The following RBM33 variants were observed in gnomAD, a reference collection of about 807,000 sequenced individuals.
RBM33 encodes the protein RNA binding motif protein 33, also known as RNA-binding protein 33.
Under a neutral mutation model 132.6 loss-of-function variants are expected in RBM33, and 28 were observed. The observed-to-expected ratio is 0.21, with a 90% CI of 0.16 to 0.29. The LOEUF (loss-of-function observed/expected upper bound fraction) is 0.29, where lower values mean the gene tolerates loss of function less well. Ranked by LOEUF, RBM33 falls within the 10% of genes least tolerant of loss-of-function variation. The pLI is 1.00. For missense variants in RBM33, 1,291 were observed against 1,518.5 expected (o/e 0.85, Z 2.49); for synonymous variants, 634 against 593.0 (o/e 1.07, Z -1.01).
chr7:155,667,592 A>G (rs917538081), intron 2 of RBM33, among the ~76,000 whole-genome samples: 4 of 152,138 alleles, frequency 2.6e-5, no homozygotes, highest in African/African-American at 7.2e-5. Flanking sequence ...TATGACGTTG[A>G]CAGGCCATTT....
At chr7:155,672,094 T>C (rs1798957435) in intron 2 of RBM33, among the ~76,000 whole-genome samples, 2 of 151,848 alleles carry the variant, frequency 1.3e-5, no homozygotes, top group South Asian at 4.1e-4. Context: ...TCGTTCGTTT[T>C]TAAAATTTAT....
At chr7:155,670,679 GTGTGGAACA>G (rs1172317393) in intron 2 of RBM33, among the ~76,000 whole-genome samples, 1 of 152,184 alleles carries the variant, frequency 6.6e-6, no homozygotes, top group Non-Finnish European at 1.5e-5. Flanking sequence ...AAGCTCGTGT[GTGTGGAACA>G]TGTCAAGTGG....
Position 155,742,103 on chromosome 7 carries a change from A to C in RBM33, c.2334A>C (p.Thr778=), listed in dbSNP as rs764797265. Residue 778 remains threonine (T), a synonymous_variant, in exon 13 of 18, where the codon ACA becomes ACC. Transcript: ENST00000401878. ...AQPKEEAKTE[T]EFPDEDEETR... ...CTAAAGAAGAGGCAAAAACAGAAACAGAGGTAGGACACTGCTCTTATTAAC... is the reference window on the plus strand; with the variant it reads ...CTAAAGAAGAGGCAAAAACAGAAACCGAGGTAGGACACTGCTCTTATTAAC... 266 of 1,612,016 alleles carry C rather than the reference A, an allele frequency of 1.7e-4. No individual in the cohort carries two copies. Among genetic ancestry groups the C allele is most frequent in the Non-Finnish European group, 2.1e-4 (246 of 1,178,654 alleles).
chr7:155,665,818 G>T (rs1179264429), intron 2 of RBM33, among the ~76,000 whole-genome samples: 4 of 152,174 alleles, frequency 2.6e-5, no homozygotes, highest in Non-Finnish European at 5.9e-5. Flanking sequence ...TAATAATAGA[G>T]GTTAGAGATG....
At chr7:155,744,529 C>T (rs1408121346) in intron 13 of RBM33, among the ~76,000 whole-genome samples, 2 of 152,144 alleles carry the variant, frequency 1.3e-5, no homozygotes, top group Non-Finnish European at 2.9e-5. Context: ...AAATTCTGCA[C>T]GAAAAATCAA....
intron 14 of RBM33, among the ~76,000 whole-genome samples, chr7:155,751,526 T>G (rs1294503253): frequency 6.6e-6 from 1 of 152,232 alleles, no homozygotes; most frequent in Non-Finnish European, 1.5e-5. Flanking sequence ...GTCCCCTAAA[T>G]CTGCTGTTTC....
chr7:155,687,253 T>G (rs1232874451), intron 5 of RBM33, among the ~76,000 whole-genome samples: 1 of 152,256 alleles, frequency 6.6e-6, no homozygotes, highest in Admixed American at 6.5e-5. Flanking sequence ...TTTTTTCATG[T>G]GTCTGTTGGC....
chr7:155,710,908 AT>A (rs34296454), intron 7 of RBM33, among the ~76,000 whole-genome samples: 94,259 of 139,834 alleles, frequency 0.67, 31,343 homozygotes, highest in South Asian at 0.76. Flanking sequence ...CCTGAACTGA[AT>A]TTTTTTTTTT....
intron 8 of RBM33, among the ~76,000 whole-genome samples, chr7:155,715,043 T>C (rs1256674745): frequency 6.6e-6 from 1 of 152,164 alleles, no homozygotes; most frequent in Non-Finnish European, 1.5e-5. Context: ...CCCCATCGCA[T>C]GTCCCTGTGT....
chr7:155,729,703 C>T (rs1362879132), intron 9 of RBM33, among the ~76,000 whole-genome samples: 1 of 150,062 alleles, frequency 6.7e-6, no homozygotes, highest in African/African-American at 2.5e-5. Context: ...CACCGCTATA[C>T]TCCAGTCTGT....
chr7:155,739,873 G>A lies in RBM33; in HGVS notation c.1896G>A (p.Gln632=), dbSNP rs1563169704. Residue 632 remains glutamine, a synonymous_variant, in exon 12 of 18, where the codon CAG becomes CAA. Coordinates refer to ENST00000401878, the MANE Select transcript of RBM33 (RefSeq NM_053043.3). The part of the protein sequence containing the change: ...PPQHPPQHPP[Q]HQHHHHHHHL... ...AGCACCCACCACAGCACCCGCCGCAGCACCAGCACCACCACCACCACCACC... is the reference window on the plus strand; with the variant it reads ...AGCACCCACCACAGCACCCGCCGCAACACCAGCACCACCACCACCACCACC... 3 of 1,336,092 alleles carry A rather than the reference G, an allele frequency of 2.2e-6. No individual in the cohort carries two copies. The African/African-American group carries it at 5.0e-5, about 22-fold the overall frequency. 82.8% of individuals were successfully genotyped at this position (1,336,092 alleles called of 1,614,324 possible). A position where few individuals can be genotyped will look rare whatever the true frequency, so the allele number is the denominator to read the frequency against.
chr7:155,650,898 G>A (rs867759034), intron 1 of RBM33, among the ~76,000 whole-genome samples: 1 of 151,960 alleles, frequency 6.6e-6, no homozygotes, highest in Admixed American at 6.6e-5. Flanking sequence ...GTTTTGAGAC[G>A]GACTCTCGCT....
At position 155,774,973 on chromosome 7, in the gene RBM33, G is replaced by C; in HGVS notation, c.3465-20G>C. On this transcript the variant is annotated intron_variant, in intron 17 of 17. Transcript: ENST00000401878. This position sits in a 1 kb window ranked among gnomAD's most constrained non-coding sequence, Gnocchi z 4.2. ...CCGATGTGCAGGGTTAGTGTCGATCGTTTCTTTAAATTTTCACAGGCATAT... is the reference window on the plus strand; with the variant it reads ...CCGATGTGCAGGGTTAGTGTCGATCCTTTCTTTAAATTTTCACAGGCATAT... The C allele has an allele frequency of 1.2e-6, 2 of 1,612,818 alleles. No homozygotes were observed. Among genetic ancestry groups the C allele is most frequent in the Non-Finnish European group, 1.7e-6 (2 of 1,178,934 alleles).
At chr7:155,679,256 A>T (rs540616921) in intron 4 of RBM33, among the ~76,000 whole-genome samples, 1 of 152,228 alleles carries the variant, frequency 6.6e-6, no homozygotes, top group African/African-American at 2.4e-5. Context: ...GGTTATGAAG[A>T]TTTAGTATGG....
At chr7:155,729,232 GA>G (rs1426337463) in intron 9 of RBM33, among the ~76,000 whole-genome samples, 1 of 152,054 alleles carries the variant, frequency 6.6e-6, no homozygotes, top group Non-Finnish European at 1.5e-5. Flanking sequence ...CTGCCCCCAT[GA>G]TCCAGTCACC....
At chr7:155,766,255 C>T (rs1262278574) in intron 15 of RBM33, among the ~76,000 whole-genome samples, 1 of 152,178 alleles carries the variant, frequency 6.6e-6, no homozygotes, top group Non-Finnish European at 1.5e-5. Context: ...CAGCTCCCTC[C>T]TCTTCCTCCG....
intron 9 of RBM33, among the ~76,000 whole-genome samples, chr7:155,725,869 A>G (rs927390785): frequency 4.6e-5 from 7 of 152,170 alleles, no homozygotes; most frequent in African/African-American, 1.2e-4. Context: ...TCCTTCTTCA[A>G]AATGTTTAGA....
intron 1 of RBM33, among the ~76,000 whole-genome samples, chr7:155,655,339 C>CT (rs113878171): frequency 0.01 from 1,543 of 151,818 alleles, 21 homozygotes; most frequent in African/African-American, 0.03. Context: ...TCTGCTCTGG[C>CT]TTTTTTTTGT....
intron 9 of RBM33, among the ~76,000 whole-genome samples, chr7:155,727,022 TG>T (rs1800811852): frequency 6.6e-6 from 1 of 152,228 alleles, no homozygotes; most frequent in South Asian, 2.1e-4. Context: ...ATATCAGCTG[TG>T]ACATTTGGCT....
Sources: allele counts gnomAD v4.1 joint callset (sites outside exome capture counted in the v4.1 genomes callset), GRCh38; gene constraint gnomAD v4.1.1; non-coding constraint Gnocchi (gnomAD v3.1); transcripts MANE v1.5; gene names NCBI Gene and HGNC (gene_info 2026-07-23, HGNC 2026-07-21).